Variants in NCKAP5 observed in about 807,000 individuals in gnomAD.
NCKAP5 encodes NCK associated protein 5, also known as nck-associated protein 5.
A neutral mutation model predicts 167.0 loss-of-function variants in NCKAP5; 92 were observed. That is an observed-to-expected ratio of 0.55 (90% CI 0.47 to 0.66). NCKAP5 has a LOEUF of 0.66. NCKAP5 is among the 30% of genes least tolerant of loss of function. NCKAP5 has a pLI of 0.00. For missense variants in NCKAP5, 2,378 were observed against 2,315.0 expected (o/e 1.03, Z -0.56); for synonymous variants, 891 against 877.4 (o/e 1.02, Z -0.27).
chr2:133,471,796 C>T (rs1679352667), intron 3 of NCKAP5, among the ~76,000 whole-genome samples: 1 of 152,192 alleles, frequency 6.6e-6, no homozygotes, highest in Admixed American at 6.5e-5. Flanking sequence ...TACTGTCTCT[C>T]ACCTCATCAG....
At chr2:133,069,429 T>C (rs533682209) in intron 6 of NCKAP5, among the ~76,000 whole-genome samples, 43 of 152,328 alleles carry the variant, frequency 2.8e-4, no homozygotes, top group Admixed American at 7.2e-4. Flanking sequence ...TGCTAAACTG[T>C]AGGCAATTTA....
intron 6 of NCKAP5, among the ~76,000 whole-genome samples, chr2:133,001,757 T>C (rs993496116): frequency 1.3e-5 from 2 of 152,160 alleles, no homozygotes; most frequent in African/African-American, 4.8e-5. Flanking sequence ...TCTGGATTGA[T>C]GGGTTCTCGT....
At chr2:133,632,764 C>G in the NCKAP5 span, among the ~76,000 whole-genome samples, 1 of 152,170 alleles carries the variant, frequency 6.6e-6, no homozygotes, top group Non-Finnish European at 1.5e-5. Flanking sequence ...CGCTGCCACT[C>G]TTAGGTTCTA....
chr2:133,153,709 C>T (rs73000846), intron 5 of NCKAP5, among the ~76,000 whole-genome samples: 4,799 of 151,992 alleles, frequency 0.032, 247 homozygotes, highest in African/African-American at 0.11. Context: ...TATCTCCATG[C>T]TTTCCTACTG....
At chr2:133,635,658 C>A in the NCKAP5 span, among the ~76,000 whole-genome samples, 1 of 152,072 alleles carries the variant, frequency 6.6e-6, no homozygotes, top group South Asian at 2.1e-4. Flanking sequence ...CTTCTAAAGA[C>A]AAGCAACTTA....
chr2:133,648,039 G>A, the NCKAP5 span, among the ~76,000 whole-genome samples: 3 of 151,982 alleles, frequency 2.0e-5, no homozygotes, highest in East Asian at 1.9e-4. Context: ...GTCAAATGAT[G>A]GAAAAAGTTA....
At chr2:132,708,958 A>G (rs1354068974) in intron 19 of NCKAP5, among the ~76,000 whole-genome samples, 1 of 152,102 alleles carries the variant, frequency 6.6e-6, no homozygotes, top group East Asian at 1.9e-4. Flanking sequence ...TGATTTAAGG[A>G]TCCTTTCTCT....
At chr2:132,884,614 G>A (rs1158859611) in intron 8 of NCKAP5, among the ~76,000 whole-genome samples, 4 of 152,128 alleles carry the variant, frequency 2.6e-5, no homozygotes, top group African/African-American at 7.2e-5. Flanking sequence ...CATGAATCAC[G>A]GAGGAAAATG....
intron 3 of NCKAP5, among the ~76,000 whole-genome samples, chr2:133,424,802 G>C (rs149102776): frequency 6.6e-6 from 1 of 152,162 alleles, no homozygotes; most frequent in African/African-American, 2.4e-5. Flanking sequence ...TCTGAGGCAC[G>C]TGACAGTTTG....
chr2:132,699,157 G>T (rs1687627080), intron 19 of NCKAP5, among the ~76,000 whole-genome samples: 1 of 152,122 alleles, frequency 6.6e-6, no homozygotes, highest in Admixed American at 6.5e-5. Flanking sequence ...TCAGCCGAGT[G>T]GTGGGGACAG....
chr2:132,868,964 T>C lies in NCKAP5; in HGVS notation c.659A>G (p.Gln220Arg). The C allele has an allele frequency of 6.5e-7, 1 of 1,547,112 alleles. No homozygotes were observed. The highest frequency in any genetic ancestry group is 8.7e-7 in the Non-Finnish European group (1 of 1,146,562). The change falls in exon 10 of 20, where the codon CAA becomes CGA. Residue 220 changes from glutamine (Q) to arginine (R), a missense_variant. Physicochemically the swap from Gln to Arg is conservative, Grantham distance 43 (BLOSUM62 1). Around this residue, in one of 3 missense-constraint regions of NCKAP5, gnomAD observed 1,049 missense variants for 1,023.4 expected, o/e 1.02. Coordinates refer to ENST00000409261, the MANE Select transcript of NCKAP5 (RefSeq NM_207363.3). ...TTGAGTAAGCAGAGCTTGAACAACT[T>C]GGTTGGCTACCTTTAAAAAATAAAG... ...YERCLDEVAN[Q>R]VVQALLTQKD...
chr2:133,035,629 T>C (rs1395884383), intron 6 of NCKAP5, among the ~76,000 whole-genome samples: 3 of 151,560 alleles, frequency 2.0e-5, no homozygotes, highest in African/African-American at 7.3e-5. Context: ...TACAAACACA[T>C]GGGAATTAAA....
In NCKAP5 at chr2:132,728,806, G is replaced by A. The variant is rs375657181; in HGVS notation, c.5580+10C>T. ...GTGGATTGCACCCTTCACCTCCCCCGACCCCTCACCTGGGTCCCGGTGGCA... is the reference window on the plus strand; with the variant it reads ...GTGGATTGCACCCTTCACCTCCCCCAACCCCTCACCTGGGTCCCGGTGGCA... On this transcript the variant is annotated intron_variant, in intron 18 of 19. Coordinates refer to ENST00000409261, the MANE Select transcript of NCKAP5 (RefSeq NM_207363.3). 1.8e-5 allele frequency: 29 copies of A among 1,613,404 alleles called. No individual in the cohort carries two copies. Among genetic ancestry groups the A allele is most frequent in the East Asian group, 4.5e-5 (2 of 44,874 alleles).
chr2:133,468,477 T>A (rs1003751169), intron 3 of NCKAP5, among the ~76,000 whole-genome samples: 1 of 151,176 alleles, frequency 6.6e-6, no homozygotes, highest in Non-Finnish European at 1.5e-5. Context: ...CTGAAAAAAA[T>A]GTATATTCTG....
At chr2:133,237,583 A>T (rs2087482307) in intron 4 of NCKAP5, among the ~76,000 whole-genome samples, 1 of 152,224 alleles carries the variant, frequency 6.6e-6, no homozygotes. Flanking sequence ...CAGATACTGA[A>T]CAGCCTTTCT....
chr2:132,808,470 C>T (rs1685608160), intron 11 of NCKAP5, among the ~76,000 whole-genome samples: 1 of 152,058 alleles, frequency 6.6e-6, no homozygotes, highest in Non-Finnish European at 1.5e-5. Flanking sequence ...GTATCTAATT[C>T]TTTCTGGTTT....
chr2:132,896,306 G>A (rs1018015607), intron 8 of NCKAP5, among the ~76,000 whole-genome samples: 1 of 152,204 alleles, frequency 6.6e-6, no homozygotes, highest in Admixed American at 6.5e-5. Context: ...GGTGGATGAT[G>A]TTTGGTTTCT....
intron 9 of NCKAP5, among the ~76,000 whole-genome samples, chr2:132,874,518 A>G (rs531194410): frequency 1.1e-4 from 16 of 152,314 alleles, no homozygotes; most frequent in Admixed American, 5.2e-4. Context: ...GATCAGAGAG[A>G]CAGGTGAGAA....
At chr2:132,805,972 T>C (rs996942765) in intron 11 of NCKAP5, among the ~76,000 whole-genome samples, 30 of 152,162 alleles carry the variant, frequency 2.0e-4, no homozygotes, top group Non-Finnish European at 3.4e-4. Flanking sequence ...CTATCATTTT[T>C]ATGACTTTGC....
Sources: allele counts gnomAD v4.1 joint callset (sites outside exome capture counted in the v4.1 genomes callset), GRCh38; gene constraint gnomAD v4.1.1; regional missense constraint gnomAD v4.1.1; transcripts MANE v1.5; gene names NCBI Gene and HGNC (gene_info 2026-07-23, HGNC 2026-07-21).